The following TMEM210 variants were observed in gnomAD, a reference collection of about 807,000 sequenced individuals.
TMEM210 encodes transmembrane protein 210.
Under a neutral mutation model 10.3 loss-of-function variants are expected in TMEM210, and 7 were observed. The observed-to-expected ratio is 0.68, with a 90% confidence interval of 0.39 to 1.28. The LOEUF (loss-of-function observed/expected upper bound fraction) is 1.28. Ranked by LOEUF, TMEM210 falls within the 50% of genes most tolerant of loss-of-function variation. The probability of loss-of-function intolerance (pLI) is 0.01; values close to 1 mark genes in which losing one functional copy is unlikely to be tolerated. For synonymous variants in TMEM210, 79 were observed against 81.2 expected, an observed-to-expected ratio of 0.97 and a Z score of 0.14; for missense variants, 185 against 197.8, an observed-to-expected ratio of 0.94 and a Z score of 0.39.
chr9:137,171,814 C>T (rs1203482528), intron 1 of TMEM210, 38 bp from the exon 2 acceptor site: 1 of 1,485,924 alleles, frequency 6.7e-7, no homozygotes, highest in Non-Finnish European at 8.9e-7. Context: ...GGCCGGTCAC[C>T]TGCCTGCAGA....
intron 2 of TMEM210, 90 bp downstream of exon 2, chr9:137,171,551 A>T (rs1834107736): frequency 6.5e-7 from 1 of 1,532,986 alleles, no homozygotes. Flanking sequence ...CAGCCCACCC[A>T]GGGGGTAAAG....
chr9:137,171,297 C>A, intron 3 of TMEM210, 117 bp downstream of exon 3: 1 of 1,492,868 alleles, frequency 6.7e-7, no homozygotes, highest in Non-Finnish European at 9.0e-7. Context: ...GGACAGCACC[C>A]CTCCTCCTCC....
chr9:137,171,895 G>A (rs1430559608), intron 1 of TMEM210, 45 bp downstream of exon 1: 1 of 1,434,724 alleles, frequency 7.0e-7, no homozygotes, highest in Non-Finnish European at 9.1e-7. Flanking sequence ...GCCTGGGGAA[G>A]GGGAGCCATG....
intron 3 of TMEM210, 72 bp from the exon 4 acceptor site, chr9:137,171,236 A>C (rs549304263): frequency 1.3e-6 from 2 of 1,493,822 alleles, no homozygotes; most frequent in African/African-American, 2.8e-5. Context: ...CGTCTGGGAC[A>C]GTGCACCCCC....
chr9:137,171,354 C>A lies in TMEM210; in HGVS notation c.254+60G>T, dbSNP rs976284753. 2.6e-6 allele frequency: 4 copies of A among 1,534,258 alleles called. No individual in the cohort carries two copies. In the East Asian group the frequency reaches 7.3e-5, roughly 28 times the overall value. On this transcript the variant is annotated intron_variant, in intron 3 of 3. Transcript: ENST00000413619. ...CCAGGGACTCCCCTGGGATAGCTCCCCCCGCCAAGGGCCTCCCCTGAGACA... is the reference window on the plus strand; with the variant it reads ...CCAGGGACTCCCCTGGGATAGCTCCACCCGCCAAGGGCCTCCCCTGAGACA...
chr9:137,171,848 C>G, intron 1 of TMEM210, 72 bp from the exon 2 acceptor site: 1 of 1,449,290 alleles, frequency 6.9e-7, no homozygotes, highest in South Asian at 1.4e-5. Context: ...TGCCCCTGCC[C>G]TGGTAGCCAC....
At chr9:137,171,219 A>G in intron 3 of TMEM210, 55 bp from the exon 4 acceptor site, 1 of 1,511,860 alleles carries the variant, frequency 6.6e-7, no homozygotes, top group Non-Finnish European at 8.8e-7. Context: ...CCCCCAGGAC[A>G]GGCTGGCGTC....
chr9:137,171,369 C>T lies in TMEM210; in HGVS notation c.254+45G>A, dbSNP rs1046223919. ...GGATAGCTCCCCCCGCCAAGGGCCT[C>T]CCCTGAGACAGCGTGCCTCCCTCGA... On this transcript the variant is annotated intron_variant, in intron 3 of 3. Coordinates refer to ENST00000413619, the MANE Select transcript of TMEM210 (RefSeq NM_001282477.2). The T allele has an allele frequency of 2.6e-6, 4 of 1,535,184 alleles. No individual in the cohort carries two copies. The African/African-American group carries it at 4.1e-5, about 16-fold the overall frequency.
chr9:137,171,764 CAGT>C lies in TMEM210; in HGVS notation c.98_100del (p.Tyr33del), dbSNP rs751014456. The C allele has an allele frequency of 4.0e-5, 62 of 1,531,870 alleles. No individual in the cohort carries two copies. The highest frequency in any genetic ancestry group is 9.6e-6 in the Non-Finnish European group (11 of 1,144,564). 94.9% of individuals were successfully genotyped at this position (1,531,870 alleles called of 1,614,324 possible). A position where few individuals can be genotyped will look rare whatever the true frequency, so the allele number is the denominator to read the frequency against. ...GCGGCTGAGGCCAAGGCTGCATTCACAGTAGGTTCCAGCTGCAGAGACAGGGCC... is the reference window on the plus strand; with the variant it reads ...GCGGCTGAGGCCAAGGCTGCATTCACAGGTTCCAGCTGCAGAGACAGGGCC... On this transcript the variant is annotated inframe_deletion, in exon 2 of 4. Coordinates refer to ENST00000413619, the MANE Select transcript of TMEM210 (RefSeq NM_001282477.2).
chr9:137,171,358 G>T (rs945776076), intron 3 of TMEM210, 56 bp downstream of exon 3: 93 of 1,533,848 alleles, frequency 6.1e-5, no homozygotes, highest in Non-Finnish European at 8.0e-5. Flanking sequence ...AGCTCCCCCC[G>T]CCAAGGGCCT....
Position 137,171,038 on chromosome 9 carries a change from C to T in TMEM210, c.381G>A (p.Val127=), listed in dbSNP as rs920631418. The T allele has an allele frequency of 2.0e-6, 3 of 1,535,328 alleles. No homozygotes were observed. Among genetic ancestry groups the T allele is most frequent in the Non-Finnish European group, 2.6e-6 (3 of 1,146,530 alleles). Residue 127 remains valine (V), a synonymous_variant, in exon 4 of 4, where the codon GTG becomes GTA. Coordinates refer to ENST00000413619, the MANE Select transcript of TMEM210 (RefSeq NM_001282477.2). ...LVPPLEDQSL[V]AIPMEASSEE... is the part of the protein sequence containing the mutation. ...CTGAAGAAGCCTCCATGGGGATGGC[C>T]ACAAGGCTCTGATCCTCTAGTGGTG...
Position 137,170,900 on chromosome 9 carries a change from G to C in TMEM210, c.*75C>G, listed in dbSNP as rs1342333236. The C allele has an allele frequency of 2.1e-6, 3 of 1,420,110 alleles. No individual in the cohort carries two copies. The highest frequency in any genetic ancestry group is 2.4e-5 in the Admixed American group (1 of 42,266). 88.0% of individuals were successfully genotyped at this position (1,420,110 alleles called of 1,614,324 possible). Reference sequence around the variant, plus strand: ...AATTCCCCTCCCCCAGCTGCCCTCAGGAGGGCCTGCAGGGAGGACAGTGCA... The same window carrying C: ...AATTCCCCTCCCCCAGCTGCCCTCACGAGGGCCTGCAGGGAGGACAGTGCA... On this transcript the variant is annotated 3_prime_UTR_variant, in exon 4 of 4. Transcript: ENST00000413619.
Position 137,171,651 on chromosome 9 carries a change from G to T in TMEM210, c.214C>A (p.Arg72=), listed in dbSNP as rs72763276. 3.9e-6 allele frequency: 6 copies of T among 1,534,554 alleles called. No individual in the cohort carries two copies. The highest frequency in any genetic ancestry group is 3.6e-5 in the South Asian group (3 of 83,886). The change falls in exon 2 of 4, where the codon CGG becomes AGG. Residue 72 remains arginine (R), a synonymous_variant. Transcript: ENST00000413619. ...CCAGGGTTCACGCACCCCTTGGCCC[G>T]CAAGACACCAATTGCCACGATGACG... ...ALVIVAIGVL[R]AKGETCPRQV...
rs1041617367 is a variant in TMEM210 at position 137,170,939 on chromosome 9, C to G, written c.*36G>C. 1 of 1,515,568 alleles carries G rather than the reference C, an allele frequency of 6.6e-7. No individual in the cohort carries two copies. The highest frequency in any genetic ancestry group is 8.8e-7 in the Non-Finnish European group (1 of 1,134,964). 93.9% of individuals were successfully genotyped at this position (1,515,568 alleles called of 1,614,324 possible). A position where few individuals can be genotyped will look rare whatever the true frequency, so the allele number is the denominator to read the frequency against. ...GAGGACAGTGCACAGCCACTAAATA[C>G]GCTTTAATTCCCCTCCCCCAGCTGC... On this transcript the variant is annotated 3_prime_UTR_variant, in exon 4 of 4. Transcript: ENST00000413619.
In TMEM210 at chr9:137,171,446, G is replaced by A. The variant is rs1292442655; in HGVS notation, c.225-3C>T. 5 of 1,535,558 alleles carry A rather than the reference G, an allele frequency of 3.3e-6. No homozygotes were observed. Among genetic ancestry groups the A allele is most frequent in the Non-Finnish European group, 4.4e-6 (5 of 1,146,626 alleles). ...CCACTTGTCTCGGGCATGTTTCACT[G>A]AGGGGACGAAGGCCAACATGAGTCC... On this transcript the variant is annotated splice_region_variant and splice_polypyrimidine_tract_variant and intron_variant, in intron 2 of 3. Coordinates refer to ENST00000413619, the MANE Select transcript of TMEM210 (RefSeq NM_001282477.2).
intron 1 of TMEM210, 29 bp downstream of exon 1, chr9:137,171,911 G>A: frequency 7.0e-7 from 1 of 1,436,228 alleles, no homozygotes; most frequent in Non-Finnish European, 9.1e-7. Context: ...CCATGGCTGG[G>A]AGTGGAGTGC....
chr9:137,171,158 C>T lies in TMEM210; in HGVS notation c.261G>A (p.Val87=), dbSNP rs1270884567. ...TCPRQVDNRL[V]ENFGVQEDLM... is the part of the protein sequence containing the mutation. Reference sequence around the variant, plus strand: ...GATCTTCCTGGACCCCAAAATTCTCCACCAACCTGCATGACGGGCCGGGTC... The same window carrying T: ...GATCTTCCTGGACCCCAAAATTCTCTACCAACCTGCATGACGGGCCGGGTC... The change falls in exon 4 of 4, where the codon GTG becomes GTA. Residue 87 remains valine (V), a synonymous_variant. Transcript: ENST00000413619. 1 of 1,534,762 alleles carries T rather than the reference C, an allele frequency of 6.5e-7. No individual in the cohort carries two copies. The highest frequency in any genetic ancestry group is 2.4e-5 in the East Asian group (1 of 40,904).
rs900806215 is a variant in TMEM210, at chr9:137,170,910, C to T, written c.*65G>A. ...CCCCAGCTGCCCTCAGGAGGGCCTG[C>T]AGGGAGGACAGTGCACAGCCACTAA... On this transcript the variant is annotated 3_prime_UTR_variant, in exon 4 of 4. Coordinates refer to ENST00000413619, the MANE Select transcript of TMEM210 (RefSeq NM_001282477.2). The T allele has an allele frequency of 5.5e-6, 8 of 1,457,344 alleles. No individual in the cohort carries two copies. Among genetic ancestry groups the T allele is most frequent in the Non-Finnish European group, 7.3e-6 (8 of 1,096,998 alleles). 90.3% of individuals were successfully genotyped at this position (1,457,344 alleles called of 1,614,324 possible).
In TMEM210 at chr9:137,171,686, A is replaced by C. The variant is rs887870283; in HGVS notation, c.179T>G (p.Phe60Cys). Reference protein sequence around the residue: ...VVLAGISASCFCALVIVAIGV... With the variant: ...VVLAGISASCCCALVIVAIGV... ...AATTGCCACGATGACGAGGGCACAG[A>C]AGCAGCTGGCACTGATGCCCGCCAG... Residue 60 changes from phenylalanine to cysteine, a missense_variant, in exon 2 of 4, where the codon TTC becomes TGC. Transcript: ENST00000413619. 1 of 1,535,514 alleles carries C rather than the reference A, an allele frequency of 6.5e-7. No individual in the cohort carries two copies. Among genetic ancestry groups the C allele is most frequent in the Non-Finnish European group, 8.7e-7 (1 of 1,146,572 alleles).
Sources: allele counts gnomAD v4.1 joint callset, GRCh38; gene constraint gnomAD v4.1.1; transcripts MANE v1.5; gene names NCBI Gene and HGNC (gene_info 2026-07-23, HGNC 2026-07-21).